Variants in EPHA6 observed in about 807,000 individuals in gnomAD.
EPHA6 encodes the protein ephrin type-A receptor 6.
Under a neutral mutation model 112.0 loss-of-function variants are expected in EPHA6, and 50 were observed. The ratio of observed to expected loss-of-function variants is 0.45; its 90% CI spans 0.36 to 0.56. The LOEUF is 0.56. EPHA6 is among the 20% of genes least tolerant of loss of function. EPHA6 has a pLI of 0.00. For missense variants in EPHA6, 1,280 were observed against 1,417.4 expected (o/e 0.90, Z 1.56); for synonymous variants, 529 against 490.7 (o/e 1.08, Z -1.03).
chr3:96,844,992 A>C lies in EPHA6; in HGVS notation c.386-21833A>C, dbSNP rs976775587. Reference sequence around the variant, plus strand: ...AACATGTGTAGATAAAAGAAATAAAAATAAGATATCCTGTACATCCCATGA... The same window carrying C: ...AACATGTGTAGATAAAAGAAATAAACATAAGATATCCTGTACATCCCATGA... On this transcript the variant is annotated intron_variant, in intron 1 of 17. Transcript: ENST00000389672. 3.3e-5 allele frequency among the ~76,000 whole-genome samples: 5 copies of C among 151,900 alleles called. No homozygotes were observed. The East Asian group carries it at 9.7e-4, about 29-fold the overall frequency.
intron 3 of EPHA6, among the ~76,000 whole-genome samples, chr3:97,182,118 G>T (rs2077004581): frequency 6.6e-6 from 1 of 151,808 alleles, no homozygotes; most frequent in South Asian, 2.1e-4. Context: ...TTTTTATTAT[G>T]TCCCATTGGT....
intron 4 of EPHA6, among the ~76,000 whole-genome samples, chr3:97,239,337 TA>T (rs1206170673): frequency 2.0e-5 from 3 of 151,724 alleles, no homozygotes; most frequent in Non-Finnish European, 4.4e-5. Context: ...CAAAAAAAAC[TA>T]TATAAAAATA....
chr3:96,821,060 C>T (rs533118543), intron 1 of EPHA6, among the ~76,000 whole-genome samples: 8 of 151,764 alleles, frequency 5.3e-5, no homozygotes, highest in Admixed American at 4.0e-4. Flanking sequence ...AAGAAATGTT[C>T]AGCAAGACCT....
intron 5 of EPHA6, among the ~76,000 whole-genome samples, chr3:97,320,222 T>A (rs376575504): frequency 6.6e-6 from 1 of 152,060 alleles, no homozygotes; most frequent in South Asian, 2.1e-4. Flanking sequence ...TTTTTATTAG[T>A]GAACTAATTC....
chr3:97,083,101 G>A (rs774203170), intron 3 of EPHA6, among the ~76,000 whole-genome samples: 1 of 151,904 alleles, frequency 6.6e-6, no homozygotes, highest in African/African-American at 2.4e-5. Context: ...TTTGCCGTAA[G>A]AATTAACAGT....
At chr3:97,038,968 C>T (rs1461130936) in intron 3 of EPHA6, among the ~76,000 whole-genome samples, 1 of 152,026 alleles carries the variant, frequency 6.6e-6, no homozygotes, top group African/African-American at 2.4e-5. Flanking sequence ...AATCTAGGCA[C>T]TGTATATTCG....
At chr3:97,034,424 T>C (rs992193809) in intron 3 of EPHA6, among the ~76,000 whole-genome samples, 1 of 151,922 alleles carries the variant, frequency 6.6e-6, no homozygotes, top group Non-Finnish European at 1.5e-5. Context: ...ATTTTCAGTG[T>C]TATAGACTTA....
intron 3 of EPHA6, among the ~76,000 whole-genome samples, chr3:97,050,356 A>G (rs2045646101): frequency 6.6e-6 from 1 of 152,204 alleles, no homozygotes; most frequent in African/African-American, 2.4e-5. Context: ...TCATCTAACA[A>G]TTAGCAGACA....
chr3:97,759,153 C>T lies in EPHA6; in HGVS notation c.*10452C>T, dbSNP rs1239921079. Among the ~76,000 whole-genome samples the T allele has an allele frequency of 1.3e-5, 2 of 151,890 alleles. No individual in the cohort carries two copies. Among genetic ancestry groups the T allele is most frequent in the Non-Finnish European group, 2.9e-5 (2 of 67,878 alleles). ...AGAAAAAGGAAATGCAGTTGCTCAT[C>T]TGGATTAAATGCTTTTAAGAAGTCA... On this transcript the variant is annotated 3_prime_UTR_variant, in exon 18 of 18. Transcript: ENST00000389672.
intron 6 of EPHA6, among the ~76,000 whole-genome samples, chr3:97,441,101 G>T (rs1173423480): frequency 6.6e-6 from 1 of 151,910 alleles, no homozygotes; most frequent in Non-Finnish European, 1.5e-5. Flanking sequence ...TAAGTGGAAA[G>T]TTTCACAATC....
intron 12 of EPHA6, among the ~76,000 whole-genome samples, chr3:97,599,440 T>C (rs1466932858): frequency 5.6e-5 from 8 of 142,256 alleles, no homozygotes; most frequent in Non-Finnish European, 9.2e-5. Context: ...AATTGATTTT[T>C]GTATAAGGTG....
chr3:97,598,177 A>T (rs1227626925), intron 12 of EPHA6, among the ~76,000 whole-genome samples: 1 of 150,222 alleles, frequency 6.7e-6, no homozygotes, highest in Non-Finnish European at 1.5e-5. Flanking sequence ...TTTTGGAGAC[A>T]CCTGTTTGTT....
At chr3:97,687,743 G>T (rs1365807939) in intron 14 of EPHA6, among the ~76,000 whole-genome samples, 1 of 152,200 alleles carries the variant, frequency 6.6e-6, no homozygotes, top group Non-Finnish European at 1.5e-5. Flanking sequence ...CTCAGAGGCT[G>T]AAAATACAAA....
At chr3:97,347,868 C>T (rs1023051229) in intron 5 of EPHA6, among the ~76,000 whole-genome samples, 1 of 152,008 alleles carries the variant, frequency 6.6e-6, no homozygotes, top group Non-Finnish European at 1.5e-5. Flanking sequence ...CAACATAAAT[C>T]TTTTGATAGC....
intron 3 of EPHA6, among the ~76,000 whole-genome samples, chr3:97,002,815 A>G (rs1176365992): frequency 2.0e-5 from 3 of 152,110 alleles, no homozygotes; most frequent in African/African-American, 4.8e-5. Context: ...AATATTTAAA[A>G]AGAACAGTAA....
At chr3:97,411,600 A>G (rs2087720980) in intron 6 of EPHA6, among the ~76,000 whole-genome samples, 1 of 152,094 alleles carries the variant, frequency 6.6e-6, no homozygotes, top group Admixed American at 6.6e-5. Context: ...AGGACCCTGA[A>G]TAAACTTCAT....
At chr3:97,549,844 A>T (rs945276721) in intron 11 of EPHA6, among the ~76,000 whole-genome samples, 9 of 151,776 alleles carry the variant, frequency 5.9e-5, no homozygotes, top group East Asian at 1.9e-4. Context: ...TAAAATAAAT[A>T]AAATAAAATA....
intron 11 of EPHA6, among the ~76,000 whole-genome samples, chr3:97,552,445 T>C (rs1236894205): frequency 6.6e-6 from 1 of 152,176 alleles, no homozygotes; most frequent in Non-Finnish European, 1.5e-5. Context: ...GGAGAAAACC[T>C]CTTGCTAAAT....
intron 8 of EPHA6, among the ~76,000 whole-genome samples, chr3:97,476,770 T>C (rs969506868): frequency 6.6e-6 from 1 of 152,112 alleles, no homozygotes; most frequent in African/African-American, 2.4e-5. Flanking sequence ...AATATTCTAA[T>C]GTGGTTGAGT....
Sources: allele counts gnomAD v4.1 joint callset (sites outside exome capture counted in the v4.1 genomes callset), GRCh38; gene constraint gnomAD v4.1.1; transcripts MANE v1.5; gene names NCBI Gene and HGNC (gene_info 2026-07-23, HGNC 2026-07-21).